The following COL22A1 variants were observed in gnomAD, a reference collection of about 807,000 sequenced individuals.
COL22A1 encodes collagen alpha-1(XXII) chain.
In COL22A1, 221 loss-of-function variants were observed where a neutral mutation model predicts 248.9. The observed-to-expected ratio is 0.89, with a 90% confidence interval of 0.80 to 0.99. The LOEUF is 0.99. Ranked by LOEUF, COL22A1 falls within the 50% of genes least tolerant of loss-of-function variation. The pLI is 0.00. For synonymous variants in COL22A1, 891 were observed against 793.4 expected (o/e 1.12, Z -2.07); for missense variants, 2,240 against 2,179.0 (o/e 1.03, Z -0.56).
chr8:138,675,635 G>T (rs911382451), intron 41 of COL22A1, among the ~76,000 whole-genome samples: 1 of 152,134 alleles, frequency 6.6e-6, no homozygotes, highest in Non-Finnish European at 1.5e-5. Context: ...CAAAGTAAAT[G>T]CACTTTTAAG....
At chr8:138,704,384 C>T (rs1371825044) in intron 30 of COL22A1, among the ~76,000 whole-genome samples, 1 of 152,196 alleles carries the variant, frequency 6.6e-6, no homozygotes, top group Non-Finnish European at 1.5e-5. Flanking sequence ...CAGTAGGGGC[C>T]AACTGAAACC....
At chr8:138,605,911 C>G (rs750375859) in intron 58 of COL22A1, among the ~76,000 whole-genome samples, 49 of 152,284 alleles carry the variant, frequency 3.2e-4, no homozygotes, top group Non-Finnish European at 4.3e-4. Flanking sequence ...GACCCTACGG[C>G]TCAAACTTGC....
At chr8:138,856,365 G>A (rs1822007832) in intron 3 of COL22A1, among the ~76,000 whole-genome samples, 3 of 152,164 alleles carry the variant, frequency 2.0e-5, no homozygotes, top group Admixed American at 2.0e-4. Flanking sequence ...CTGCAGTGGG[G>A]GTGCTGGCCT....
chr8:138,760,207 G>C (rs1833345905), intron 18 of COL22A1, 36 bp downstream of exon 18: 2 of 1,528,330 alleles, frequency 1.3e-6, no homozygotes, highest in Non-Finnish European at 1.8e-6. Context: ...TGCCTGCCCA[G>C]GGCACAGAGC....
chr8:138,760,813 TC>T (rs1833417200), intron 17 of COL22A1, among the ~76,000 whole-genome samples: 1 of 152,156 alleles, frequency 6.6e-6, no homozygotes, highest in African/African-American at 2.4e-5. Flanking sequence ...CTCTTCAATG[TC>T]CCTGCTGGGA....
intron 12 of COL22A1, among the ~76,000 whole-genome samples, chr8:138,786,563 C>A (rs1421592999): frequency 6.6e-6 from 1 of 152,164 alleles, no homozygotes; most frequent in African/African-American, 2.4e-5. Context: ...ATAGACCTTC[C>A]AAAATTCCCC....
chr8:138,806,028 G>GTAAT (rs1563787939), intron 10 of COL22A1, among the ~76,000 whole-genome samples: 51 of 106,806 alleles, frequency 4.8e-4, no homozygotes, highest in Middle Eastern at 4.8e-3. Flanking sequence ...AATGGTGTGT[G>GTAAT]GTTGTGTGTG....
At chr8:138,750,131 C>T (rs1025727164) in intron 22 of COL22A1, among the ~76,000 whole-genome samples, 5 of 152,206 alleles carry the variant, frequency 3.3e-5, no homozygotes, top group Non-Finnish European at 5.9e-5. Context: ...ACTTGCTCCT[C>T]CTTGCCTTCT....
intron 22 of COL22A1, among the ~76,000 whole-genome samples, chr8:138,751,024 G>A (rs1272513799): frequency 6.6e-6 from 1 of 151,990 alleles, no homozygotes; most frequent in Non-Finnish European, 1.5e-5. Flanking sequence ...AATACCATGA[G>A]ATATCATATC....
intron 16 of COL22A1, among the ~76,000 whole-genome samples, chr8:138,774,874 A>C (rs1426573318): frequency 1.3e-5 from 2 of 152,232 alleles, no homozygotes; most frequent in Non-Finnish European, 2.9e-5. Context: ...AAAACGCTGC[A>C]TGTCGGAACA....
intron 39 of COL22A1, among the ~76,000 whole-genome samples, chr8:138,680,991 C>CGG (rs534944570): frequency 1.3e-5 from 2 of 151,894 alleles, no homozygotes; most frequent in South Asian, 2.1e-4. Flanking sequence ...CTCTTCCCCC[C>CGG]GGGGGGGGTC....
chr8:138,749,903 G>A (rs751069747), intron 22 of COL22A1, among the ~76,000 whole-genome samples: 1 of 152,136 alleles, frequency 6.6e-6, no homozygotes, highest in Admixed American at 6.5e-5. Context: ...GATACAGTTT[G>A]GCTGTGTCCC....
intron 23 of COL22A1, among the ~76,000 whole-genome samples, chr8:138,729,809 G>A (rs2131203431): frequency 6.6e-6 from 1 of 152,250 alleles, no homozygotes; most frequent in South Asian, 2.1e-4. Flanking sequence ...CACAGTGTGG[G>A]CAGAAACTCT....
chr8:138,610,993 G>A (rs1411426705), intron 56 of COL22A1, among the ~76,000 whole-genome samples: 2 of 152,180 alleles, frequency 1.3e-5, no homozygotes, highest in South Asian at 2.1e-4. Context: ...TTGAAACCAG[G>A]AGGTCGAGGC....
intron 36 of COL22A1, among the ~76,000 whole-genome samples, 191 bp from the exon 37 acceptor site, chr8:138,689,161 G>GT (rs1554749843): frequency 6.9e-6 from 1 of 145,002 alleles, no homozygotes; most frequent in Non-Finnish European, 1.5e-5. Context: ...GCTCTCCCGG[G>GT]GGGGGGGCTG....
intron 4 of COL22A1, among the ~76,000 whole-genome samples, chr8:138,834,143 C>T (rs557344232): frequency 2.6e-5 from 4 of 152,114 alleles, no homozygotes; most frequent in South Asian, 4.1e-4. Flanking sequence ...ACTCAACACC[C>T]GCCTGAAACT....
Position 138,589,234 on chromosome 8 carries a change from T to A in COL22A1, c.*19A>T. On this transcript the variant is annotated 3_prime_UTR_variant, in exon 65 of 65. Coordinates refer to ENST00000303045, the MANE Select transcript of COL22A1 (RefSeq NM_152888.3). ...AAGTTTCAGAAATCCACTGCAGTCT[T>A]CTGGCTTTCCAGAGTCCTTTAGGGA... The A allele has an allele frequency of 6.2e-7, 1 of 1,610,830 alleles. No homozygotes were observed. The highest frequency in any genetic ancestry group is 8.5e-7 in the Non-Finnish European group (1 of 1,178,500).
intron 62 of COL22A1, 60 bp downstream of exon 62, chr8:138,596,844 G>A (rs7832390): frequency 0.22 from 329,065 of 1,491,874 alleles, 38,092 homozygotes; most frequent in African/African-American, 0.37. Context: ...TCAAGGCTGA[G>A]TGAGAGAACT....
At chr8:138,615,194 C>G (rs1032295221) in intron 55 of COL22A1, among the ~76,000 whole-genome samples, 1 of 152,196 alleles carries the variant, frequency 6.6e-6, no homozygotes, top group African/African-American at 2.4e-5. Flanking sequence ...CCCTTTATCT[C>G]TCTGGATCTC....
Sources: gnomAD v4.1 joint callset for allele counts (sites outside exome capture counted in the v4.1 genomes callset) on GRCh38, gnomAD v4.1.1 for gene constraint, MANE v1.5 for transcripts, NCBI Gene and HGNC (gene_info 2026-07-23, HGNC 2026-07-21) for gene names.